Variants in TAB1 observed in about 807,000 individuals in gnomAD.
The protein encoded by TAB1 is TGF-beta-activated kinase 1 and MAP3K7-binding protein 1.
In TAB1, 30 loss-of-function variants were observed where a neutral mutation model predicts 54.5. That is an observed-to-expected ratio of 0.55 (90% CI 0.41 to 0.75). The LOEUF is 0.75. Among genes scored for constraint, TAB1 ranks in the 30% least tolerant of loss-of-function variants. TAB1 has a pLI of 0.00. For synonymous variants in TAB1, 289 were observed against 286.9 expected, an observed-to-expected ratio of 1.01 and a Z score of -0.07; for missense variants, 609 against 683.2, an observed-to-expected ratio of 0.89 and a Z score of 1.21.
chr22:39,401,877 C>T (rs934432227), intron 1 of TAB1, among the ~76,000 whole-genome samples: 1 of 152,132 alleles, frequency 6.6e-6, no homozygotes, highest in Non-Finnish European at 1.5e-5. Context: ...CTGGGGAGAA[C>T]AACTCAGCTC....
Position 39,421,926 on chromosome 22 carries a change from G to C in TAB1, c.876G>C (p.Leu292Phe). 6.2e-7 allele frequency: 1 copy of C among 1,609,444 alleles called. No individual in the cohort carries two copies. The highest frequency in any genetic ancestry group is 8.5e-7 in the Non-Finnish European group (1 of 1,177,904). Residue 292 changes from leucine to phenylalanine, a missense_variant, in exon 8 of 11, where the codon TTG (leucine) becomes TTC (phenylalanine). Leu to Phe is a conservative substitution (Grantham distance 22, BLOSUM62 0). Transcript: ENST00000216160. Reference sequence around the variant, plus strand: ...TCTTGGTGCTGATGTCGGAGGGGTTGTACAAGGCCCTAGAGGCAGCCCATG... The same window carrying C: ...TCTTGGTGCTGATGTCGGAGGGGTTCTACAAGGCCCTAGAGGCAGCCCATG... Reference protein sequence around the residue: ...TGFLVLMSEGLYKALEAAHGP... With the variant: ...TGFLVLMSEGFYKALEAAHGP...
At chr22:39,429,274 A>G (rs530272431) in intron 10 of TAB1, 152 of 985,420 alleles carry the variant, frequency 1.5e-4, no homozygotes, top group Non-Finnish European at 1.7e-4. Context: ...GGGCGAAGGA[A>G]GGTTTTCTAG....
chr22:39,421,846 A>G lies in TAB1; in HGVS notation c.796A>G (p.Ile266Val). The change falls in exon 8 of 11, where the codon ATC (isoleucine) becomes GTC (valine). Residue 266 changes from isoleucine to valine, a missense_variant. Coordinates refer to ENST00000216160, the MANE Select transcript of TAB1 (RefSeq NM_006116.3). ...CCATAGCGCTGCCAAGTCCAAACCAATCATCGCAGAGCCAGAAATCCATGG... is the reference window on the plus strand; with the variant it reads ...CCATAGCGCTGCCAAGTCCAAACCAGTCATCGCAGAGCCAGAAATCCATGG... Reference protein sequence around the residue: ...DLLSAAKSKPIIAEPEIHGAQ... With the variant: ...DLLSAAKSKPVIAEPEIHGAQ... 1 of 1,613,872 alleles carries G rather than the reference A, an allele frequency of 6.2e-7. No individual in the cohort carries two copies. Among genetic ancestry groups the G allele is most frequent in the Non-Finnish European group, 8.5e-7 (1 of 1,179,896 alleles).
chr22:39,436,383 T>C, downstream of TAB1: 1 of 834,080 alleles, frequency 1.2e-6, no homozygotes, highest in East Asian at 2.4e-5. Context: ...AGAGTTGGTA[T>C]CCGTGGCCTC....
chr22:39,426,248 T>C (rs779062245), intron 8 of TAB1, among the ~76,000 whole-genome samples: 11 of 152,236 alleles, frequency 7.2e-5, no homozygotes, highest in Non-Finnish European at 1.3e-4. Context: ...CAGGGACTTC[T>C]CTGAGGTCAG....
At position 39,430,198 on chromosome 22, in the gene TAB1, G is replaced by A. The variant is rs756074271; in HGVS notation, c.1491G>A (p.Glu497=). Residue 497 remains glutamate, a synonymous_variant, in exon 11 of 11, where the codon GAG becomes GAA. Transcript: ENST00000216160. ...GCCTCTGGAGCGTGGACCATGGCGA[G>A]CAGAGCGTGGTGACAGCACCGTAGG... ...FYRLWSVDHG[E]QSVVTAP 2 of 1,613,166 alleles carry A rather than the reference G, an allele frequency of 1.2e-6. No homozygotes were observed. Among genetic ancestry groups the A allele is most frequent in the East Asian group, 4.5e-5 (2 of 44,880 alleles).
chr22:39,435,621 G>A (rs1027153430), downstream of TAB1, among the ~76,000 whole-genome samples: 5 of 152,226 alleles, frequency 3.3e-5, no homozygotes, highest in East Asian at 1.9e-4. Context: ...CTAAGCGTGC[G>A]TGCTGTCACA....
chr22:39,408,895 T>C (rs1267921764), intron 1 of TAB1, among the ~76,000 whole-genome samples: 1 of 152,192 alleles, frequency 6.6e-6, no homozygotes, highest in Non-Finnish European at 1.5e-5. Flanking sequence ...TGGATTTTTT[T>C]AGAAAGATTC....
At chr22:39,436,123 C>T (rs531556102), downstream of TAB1, among the ~76,000 whole-genome samples, 59 of 152,296 alleles carry the variant, frequency 3.9e-4, no homozygotes, top group Admixed American at 6.5e-4. Context: ...AAAATCCCAT[C>T]TCTACTAAAA....
In TAB1 at chr22:39,415,219, G is replaced by A; in HGVS notation, c.170+77G>A. 1 of 1,495,370 alleles carries A rather than the reference G, an allele frequency of 6.7e-7. No individual in the cohort carries two copies. Among genetic ancestry groups the A allele is most frequent in the African/African-American group, 1.4e-5 (1 of 71,664 alleles). The allele number at this position is 1,495,370 out of a possible 1,614,324, so 92.6% of individuals were successfully genotyped here. ...AGCAAGGAAAGACACCGACCTTGCA[G>A]CTTTCTCGTATGGGCTTGCCAGTGA... On this transcript the variant is annotated intron_variant, in intron 2 of 10. Transcript: ENST00000216160. This position sits in a 1 kb window ranked among gnomAD's most constrained non-coding sequence, Gnocchi z 4.9.
intron 1 of TAB1, among the ~76,000 whole-genome samples, chr22:39,405,437 C>T (rs1926318724): frequency 6.6e-6 from 1 of 152,206 alleles, no homozygotes; most frequent in African/African-American, 2.4e-5. Context: ...AGAGTTAAGT[C>T]CTGCGTTCGC....
chr22:39,428,083 A>G lies in TAB1; in HGVS notation c.1207A>G (p.Thr403Ala). The G allele has an allele frequency of 6.2e-7, 1 of 1,613,796 alleles. No individual in the cohort carries two copies. Among genetic ancestry groups the G allele is most frequent in the Non-Finnish European group, 8.5e-7 (1 of 1,179,732 alleles). Residue 403 changes from threonine to alanine, a missense_variant, in exon 10 of 11, where the codon ACC becomes GCC. By Grantham distance (58) the Thr-to-Ala change is moderately conservative (BLOSUM62 0). Coordinates refer to ENST00000216160, the MANE Select transcript of TAB1 (RefSeq NM_006116.3). ...CTCCAGCGCCCAGAGCACCAGCAAG[A>G]CCAGCGTGACCCTCTCCCTTGTCAT... ...PYSSAQSTSK[T>A]SVTLSLVMPS...
chr22:39,424,143 A>G (rs1383554421), intron 8 of TAB1, among the ~76,000 whole-genome samples: 1 of 152,224 alleles, frequency 6.6e-6, no homozygotes, highest in Non-Finnish European at 1.5e-5. Context: ...AATGGCCTTC[A>G]TCTCCATCCA....
At position 39,431,746 on chromosome 22, in the gene TAB1, A is replaced by T; in HGVS notation, c.*1524A>T. On this transcript the variant is annotated 3_prime_UTR_variant, in exon 11 of 11. Transcript: ENST00000216160. ...TCTGCAGGTGAGAGGATTTAAAGTC[A>T]GTCACAAAGGCTTGGGAACAAAAGG... 1 of 985,508 alleles carries T rather than the reference A, an allele frequency of 1.0e-6. No homozygotes were observed. Among genetic ancestry groups the T allele is most frequent in the Non-Finnish European group, 1.2e-6 (1 of 829,964 alleles). 61.0% of individuals were successfully genotyped at this position (985,508 alleles called of 1,614,324 possible). A position where few individuals can be genotyped will look rare whatever the true frequency, so the allele number is the denominator to read the frequency against.
intron 10 of TAB1, chr22:39,429,771 C>T (rs1568988078): frequency 6.2e-6 from 6 of 972,086 alleles, no homozygotes; most frequent in African/African-American, 1.8e-5. Context: ...CATGAGCCAC[C>T]GCGCCCAGCC....
chr22:39,418,855 G>A lies in TAB1; in HGVS notation c.664+10G>A. ...CGTCTTTCGCAGCTGGGTGAGTGGG[G>A]AGAGTGGGAGCGGAAGCTGATCCCC... is the stretch of plus-strand genomic sequence containing the variant. On this transcript the variant is annotated intron_variant, in intron 6 of 10. Transcript: ENST00000216160. 6.2e-7 allele frequency: 1 copy of A among 1,606,702 alleles called. No individual in the cohort carries two copies. The highest frequency in any genetic ancestry group is 1.1e-5 in the South Asian group (1 of 90,912).
intron 1 of TAB1, among the ~76,000 whole-genome samples, chr22:39,414,061 TG>T (rs1926722023): frequency 6.6e-6 from 1 of 152,162 alleles, no homozygotes; most frequent in African/African-American, 2.4e-5. Flanking sequence ...CTGAACAGCC[TG>T]GTTTGAGATC....
downstream of TAB1, chr22:39,432,311 C>T (rs1178959571): frequency 6.6e-6 from 1 of 152,404 alleles, no homozygotes; most frequent in East Asian, 1.9e-4. Flanking sequence ...GTTTGCTTTA[C>T]TGGGTTTTGC....
intron 6 of TAB1, 125 bp downstream of exon 6, chr22:39,418,970 TG>T: frequency 1.3e-6 from 1 of 747,918 alleles, no homozygotes; most frequent in Non-Finnish European, 2.3e-6. Context: ...CCAGCCTGCC[TG>T]GGGTTCATTC....
Sources: gnomAD v4.1 joint callset for allele counts (sites outside exome capture counted in the v4.1 genomes callset) on GRCh38, gnomAD v4.1.1 for gene constraint, Gnocchi (gnomAD v3.1) non-coding constraint, MANE v1.5 for transcripts, NCBI Gene and HGNC (gene_info 2026-07-23, HGNC 2026-07-21) for gene names.